SMYD3: variants seen among roughly 807,000 people sequenced by gnomAD.
SMYD3 encodes the protein SET and MYND domain containing 3.
In SMYD3, 36 loss-of-function variants were observed where a neutral mutation model predicts 57.7. That is an observed-to-expected ratio of 0.62 (90% CI 0.48 to 0.82). The LOEUF (loss-of-function observed/expected upper bound fraction) is 0.82, where lower values mean the gene tolerates loss of function less well. SMYD3 is among the 40% of genes least tolerant of loss of function. SMYD3 has a pLI of 0.00. For missense variants in SMYD3, 515 were observed against 538.8 expected (o/e 0.96, Z 0.44); for synonymous variants, 211 against 195.0 (o/e 1.08, Z -0.68).
rs755908714 is a variant in SMYD3 at position 245,749,563 on chromosome 1, T to C, written c.1287A>G (p.Ter429=). 1.2e-6 allele frequency: 2 copies of C among 1,613,106 alleles called. No homozygotes were observed. The highest frequency in any genetic ancestry group is 3.3e-5 in the Admixed American group (2 of 60,010). The part of the protein sequence containing the change: ...EECDANIRAS[*] The stretch of plus-strand genomic sequence containing the variant: ...CGTATTTCCCTCTGACTGCGTTCCC[T>C]TAGGATGCTCTGATGTTGGCGTCGC... Residue 429 remains the stop codon, a stop_retained_variant, in exon 12 of 12, where the codon TAA becomes TAG. Coordinates refer to ENST00000490107, the MANE Select transcript of SMYD3 (RefSeq NM_001167740.2).
intron 5 of SMYD3, among the ~76,000 whole-genome samples, chr1:246,172,201 G>C (rs944708387): frequency 6.6e-6 from 1 of 152,018 alleles, no homozygotes; most frequent in Non-Finnish European, 1.5e-5. Flanking sequence ...CACAGGCCTA[G>C]AACACTCACT....
chr1:245,818,412 A>C lies in SMYD3; in HGVS notation c.1076+40084T>G, dbSNP rs1489086152. Among the ~76,000 whole-genome samples, 3 of 152,298 alleles carry C rather than the reference A, an allele frequency of 2.0e-5. No individual in the cohort carries two copies. In the Middle Eastern group the frequency reaches 0.01, roughly 518 times the overall value. ...GAAGGAAGCGCTAAACATCGAAAGG[A>C]ACAACCGGTACCAGCCACTGCAAAA... On this transcript the variant is annotated intron_variant, in intron 10 of 11. Coordinates refer to ENST00000490107, the MANE Select transcript of SMYD3 (RefSeq NM_001167740.2).
chr1:245,968,798 G>C (rs936835393), intron 5 of SMYD3, among the ~76,000 whole-genome samples: 1 of 152,094 alleles, frequency 6.6e-6, no homozygotes, highest in Non-Finnish European at 1.5e-5. Flanking sequence ...TGCTGCCCTC[G>C]TCTTTCCCGC....
chr1:245,898,761 T>C (rs1227346811), intron 8 of SMYD3, among the ~76,000 whole-genome samples: 3 of 152,342 alleles, frequency 2.0e-5, no homozygotes, highest in Non-Finnish European at 4.4e-5. Context: ...CAAGTAATCA[T>C]AGCTTGTTTG....
intron 5 of SMYD3, among the ~76,000 whole-genome samples, chr1:245,949,988 G>A (rs1449858717): frequency 2.0e-5 from 3 of 151,960 alleles, no homozygotes; most frequent in East Asian, 1.9e-4. Flanking sequence ...AAGAGAAAGC[G>A]AAAAATAAAT....
intron 5 of SMYD3, among the ~76,000 whole-genome samples, chr1:246,299,802 C>T (rs918725524): frequency 4.6e-5 from 7 of 151,776 alleles, no homozygotes; most frequent in African/African-American, 1.5e-4. Context: ...CATGGACACA[C>T]GGAGAGGAAC....
intron 5 of SMYD3, among the ~76,000 whole-genome samples, chr1:245,935,848 TAG>T (rs2056960033): frequency 6.6e-6 from 1 of 152,092 alleles, no homozygotes; most frequent in Admixed American, 6.5e-5. Context: ...CTCATAGTAA[TAG>T]AGTATAATGG....
chr1:245,879,006 A>G (rs1225734495), intron 8 of SMYD3, among the ~76,000 whole-genome samples: 2 of 152,208 alleles, frequency 1.3e-5, no homozygotes, highest in African/African-American at 2.4e-5. Context: ...CAGGAAGAGC[A>G]GTGTTATTTC....
chr1:246,491,904 C>G (rs1290623731), intron 1 of SMYD3, among the ~76,000 whole-genome samples: 1 of 152,222 alleles, frequency 6.6e-6, no homozygotes, highest in Non-Finnish European at 1.5e-5. Flanking sequence ...AACAAGACCA[C>G]TCTGTAATCA....
At chr1:246,161,607 T>C (rs554432754) in intron 5 of SMYD3, among the ~76,000 whole-genome samples, 2 of 152,356 alleles carry the variant, frequency 1.3e-5, no homozygotes, top group East Asian at 1.9e-4. Flanking sequence ...TCTCCGCGAA[T>C]AGATGTACCC....
intron 5 of SMYD3, among the ~76,000 whole-genome samples, chr1:246,055,693 A>G (rs930111924): frequency 1.6e-4 from 24 of 152,220 alleles, no homozygotes; most frequent in Non-Finnish European, 3.4e-4. Context: ...GGGAATTCTG[A>G]TCAATACTAT....
chr1:245,955,394 G>A (rs1176006656), intron 5 of SMYD3, among the ~76,000 whole-genome samples: 1 of 152,118 alleles, frequency 6.6e-6, no homozygotes, highest in African/African-American at 2.4e-5. Context: ...GTGGTTTTAT[G>A]TCTTTTCTTT....
intron 10 of SMYD3, among the ~76,000 whole-genome samples, chr1:245,828,125 C>A (rs2049609618): frequency 6.6e-6 from 1 of 152,204 alleles, no homozygotes; most frequent in Non-Finnish European, 1.5e-5. Flanking sequence ...TAGTCTTTAT[C>A]CACATATTAA....
chr1:246,125,284 T>C (rs1027164153), intron 5 of SMYD3, among the ~76,000 whole-genome samples: 2 of 152,202 alleles, frequency 1.3e-5, no homozygotes, highest in African/African-American at 4.8e-5. Context: ...GAATACTATT[T>C]AAGTCATCAG....
At chr1:246,395,558 T>C (rs142309322) in intron 1 of SMYD3, among the ~76,000 whole-genome samples, 3 of 150,858 alleles carry the variant, frequency 2.0e-5, no homozygotes, top group Admixed American at 1.3e-4. Context: ...AAGTGGACAA[T>C]GTGCACTACT....
intron 5 of SMYD3, among the ~76,000 whole-genome samples, chr1:246,316,587 C>T (rs2065163583): frequency 7.2e-6 from 1 of 139,332 alleles, no homozygotes; most frequent in South Asian, 2.3e-4. Context: ...CACCATGTTG[C>T]CCAGGATGGT....
chr1:245,843,674 C>A (rs2050519553), intron 10 of SMYD3, among the ~76,000 whole-genome samples: 1 of 152,024 alleles, frequency 6.6e-6, no homozygotes. Flanking sequence ...CAAAGCTATA[C>A]TAACTCCTCA....
intron 5 of SMYD3, among the ~76,000 whole-genome samples, chr1:246,198,522 C>T (rs1462110331): frequency 1.3e-5 from 2 of 152,128 alleles, no homozygotes; most frequent in African/African-American, 4.8e-5. Context: ...GTATGTTATT[C>T]ATCTTTTTTA....
At position 246,463,833 on chromosome 1, in the gene SMYD3, CAAAAAAAAAAA is replaced by C. The variant is rs35826530; in HGVS notation, c.164+43210_164+43220del. ...CCTGGGAGACGGCGAGACCCCGTCT[CAAAAAAAAAAA>C]AAAAAAAAAAAGAGTGTGGAATTAA... On this transcript the variant is annotated intron_variant, in intron 1 of 11. Coordinates refer to ENST00000490107, the MANE Select transcript of SMYD3 (RefSeq NM_001167740.2). Among the ~76,000 whole-genome samples, 15 of 70,472 alleles carry C rather than the reference CAAAAAAAAAAA, an allele frequency of 2.1e-4. 1 individual carries two copies. The Admixed American group carries it at 2.2e-3, about 11-fold the overall frequency. The allele number at this position is 70,472 out of a possible 152,430, so 46.2% of individuals were successfully genotyped here.
Sources: allele counts gnomAD v4.1 joint callset (sites outside exome capture counted in the v4.1 genomes callset), GRCh38; gene constraint gnomAD v4.1.1; transcripts MANE v1.5; gene names NCBI Gene and HGNC (gene_info 2026-07-23, HGNC 2026-07-21).